The following LRRC47 variants were observed in gnomAD, a reference collection of about 807,000 sequenced individuals.
LRRC47 encodes the protein leucine rich repeat containing 47, also known as leucine-rich repeat-containing protein 47.
In LRRC47, 31 loss-of-function variants were observed where a neutral mutation model predicts 40.9. The ratio of observed to expected loss-of-function variants is 0.76; its 90% confidence interval spans 0.57 to 1.02. The LOEUF is 1.02. Among genes scored for constraint, LRRC47 ranks in the 50% least tolerant of loss-of-function variants. The pLI, the probability that LRRC47 is intolerant of heterozygous loss-of-function variation, is 0.00. For synonymous variants in LRRC47, 427 were observed against 371.9 expected, an observed-to-expected ratio of 1.15 and a Z score of -1.70; for missense variants, 726 against 796.1, an observed-to-expected ratio of 0.91 and a Z score of 1.06.
intron 2 of LRRC47, among the ~76,000 whole-genome samples, chr1:3,786,050 G>C (rs1020803074): frequency 6.6e-6 from 1 of 151,916 alleles, no homozygotes; most frequent in Admixed American, 6.6e-5. Context: ...TTGTGTTTTC[G>C]GTAGAGATGG....
rs1399105224 is a variant in LRRC47, at chr1:3,796,419, G to A, written c.58C>T (p.Arg20Trp). ...CCCGTCAGCAGCAGCTCCCGCCGCC[G>A]CTCGCGCTCAGCCAGCTCCAGCTCC... ...WPELELAERE[R>W]RRELLLTGPG... The change falls in exon 1 of 7, where the codon CGG (arginine) becomes TGG (tryptophan). Residue 20 changes from arginine (R) to tryptophan (W), a missense_variant. Physicochemically the swap from Arg to Trp is moderately radical, Grantham distance 101. Transcript: ENST00000378251. 2.0e-6 allele frequency: 3 copies of A among 1,517,702 alleles called. No homozygotes were observed. Among genetic ancestry groups the A allele is most frequent in the South Asian group, 1.2e-5 (1 of 82,858 alleles). The allele number at this position is 1,517,702 out of a possible 1,614,324, so 94.0% of individuals were successfully genotyped here.
rs1457743800 is a variant in LRRC47, at chr1:3,795,990, T to C, written c.487A>G (p.Asn163Asp). 2 of 1,571,804 alleles carry C rather than the reference T, an allele frequency of 1.3e-6. No homozygotes were observed. The highest frequency in any genetic ancestry group is 1.7e-6 in the Non-Finnish European group (2 of 1,160,370). The change falls in exon 1 of 7, where the codon AAT (asparagine) becomes GAT (aspartate). Residue 163 changes from asparagine to aspartate, a missense_variant. Physicochemically the swap from Asn to Asp is conservative, Grantham distance 23 (BLOSUM62 1). Transcript: ENST00000378251. Reference sequence around the variant, plus strand: ...TCGGCGGGAAAGGAGTCTAGGCAATTGCCGGTGAGGTTGAGGCTCTGCAGG... The same window carrying C: ...TCGGCGGGAAAGGAGTCTAGGCAATCGCCGGTGAGGTTGAGGCTCTGCAGG... ...PRLQSLNLTG[N>D]CLDSFPAELF...
chr1:3,787,251 G>A lies in LRRC47; in HGVS notation c.675C>T (p.Pro225=). The change falls in exon 2 of 7, where the codon CCC becomes CCT. Residue 225 remains proline, a synonymous_variant. Coordinates refer to ENST00000378251, the MANE Select transcript of LRRC47 (RefSeq NM_020710.3). The part of the protein sequence containing the change: ...SEIPAELADC[P]KLKEINFRGN... ...CACGGAAATTGATCTCCTTGAGCTT[G>A]GGGCAGTCCGCAAGCTCTGCAGGGA... The A allele has an allele frequency of 1.2e-6, 2 of 1,613,510 alleles. No homozygotes were observed. The highest frequency in any genetic ancestry group is 1.7e-6 in the Non-Finnish European group (2 of 1,180,046).
chr1:3,794,447 A>G (rs930421104), intron 1 of LRRC47, among the ~76,000 whole-genome samples: 1 of 151,818 alleles, frequency 6.6e-6, no homozygotes. Flanking sequence ...CCTGGGCTCA[A>G]GTGATCCTCC....
At chr1:3,782,081 G>C (rs78157881) in intron 5 of LRRC47, among the ~76,000 whole-genome samples, 2 of 152,166 alleles carry the variant, frequency 1.3e-5, no homozygotes, top group Non-Finnish European at 2.9e-5. Context: ...ACGCAGCACC[G>C]AGCATGAACA....
At chr1:3,781,623 A>C (rs757342967) in intron 5 of LRRC47, 22 bp from the exon 6 acceptor site, 3 of 1,575,152 alleles carry the variant, frequency 1.9e-6, no homozygotes, top group Non-Finnish European at 8.7e-7. Context: ...AAAACATTTC[A>C]GAAAAGAACA....
At chr1:3,794,726 A>G (rs910314984) in intron 1 of LRRC47, among the ~76,000 whole-genome samples, 12 of 151,884 alleles carry the variant, frequency 7.9e-5, no homozygotes, top group African/African-American at 2.2e-4. Context: ...AAATAAATAG[A>G]TAAGCTGCTA....
rs773031964 is a variant in LRRC47, at chr1:3,781,076, G to A, written c.*12C>T. The A allele has an allele frequency of 2.5e-6, 4 of 1,605,892 alleles. No homozygotes were observed. Among genetic ancestry groups the A allele is most frequent in the Non-Finnish European group, 3.4e-6 (4 of 1,173,996 alleles). On this transcript the variant is annotated 3_prime_UTR_variant, in exon 7 of 7. Coordinates refer to ENST00000378251, the MANE Select transcript of LRRC47 (RefSeq NM_020710.3). ...AAACCGGCCAAACAAACGCGGACAG[G>A]CGGCCCTGGCGTCAGCGCACGACAG...
Position 3,786,948 on chromosome 1 carries a change from GCTCA to G in LRRC47, c.974_977del (p.Val325AlafsTer133), listed in dbSNP as rs1481845521. The G allele has an allele frequency of 1.2e-6, 2 of 1,609,736 alleles. No homozygotes were observed. The highest frequency in any genetic ancestry group is 1.7e-6 in the Non-Finnish European group (2 of 1,178,338). ...AGGGCCGCACATCCCGGACCTCGGG[GCTCA>G]CTCTGACTGTCAGAGGTACGGGGTT... On this transcript the variant is annotated frameshift_variant, in exon 2 of 7. Transcript: ENST00000378251. LOFTEE classifies it high-confidence loss of function.
chr1:3,788,394 C>T (rs952771321), intron 1 of LRRC47, among the ~76,000 whole-genome samples: 1 of 152,222 alleles, frequency 6.6e-6, no homozygotes, highest in Admixed American at 6.5e-5. Flanking sequence ...GAGGAGGCAA[C>T]AGCATGTGGG....
chr1:3,781,425 G>A (rs1053492052), intron 6 of LRRC47, 87 bp downstream of exon 6: 2 of 1,574,396 alleles, frequency 1.3e-6, no homozygotes, highest in African/African-American at 2.7e-5. Flanking sequence ...AAGCAAAAAA[G>A]AGGCAAGCAG....
intron 5 of LRRC47, 86 bp from the exon 6 acceptor site, chr1:3,781,687 C>CA: frequency 8.8e-7 from 1 of 1,139,654 alleles, no homozygotes; most frequent in Non-Finnish European, 1.3e-6. Context: ...GAAAAATCTA[C>CA]AAAACTGTGT....
intron 1 of LRRC47, among the ~76,000 whole-genome samples, chr1:3,789,695 G>C (rs182353064): frequency 2.0e-5 from 3 of 152,384 alleles, no homozygotes; most frequent in Non-Finnish European, 2.9e-5. Flanking sequence ...GACAGGAAGG[G>C]AAGCGGGGGA....
Position 3,780,851 on chromosome 1 carries a change from C to T in LRRC47, c.*237G>A, listed in dbSNP as rs929837530. 1.4e-5 allele frequency: 8 copies of T among 559,180 alleles called. No homozygotes were observed. The highest frequency in any genetic ancestry group is 1.1e-4 in the African/African-American group (6 of 52,890). The allele number at this position is 559,180 out of a possible 1,614,324, so 34.6% of individuals were successfully genotyped here. On this transcript the variant is annotated 3_prime_UTR_variant, in exon 7 of 7. Transcript: ENST00000378251. ...ATTAGCTGAGCTTAGTGGCACACAC[C>T]TGTAGTCCCAGCTACTTGGGAGGCT...
At chr1:3,783,906 C>T (rs769542846) in intron 4 of LRRC47, 90 bp downstream of exon 4, 29 of 1,028,540 alleles carry the variant, frequency 2.8e-5, no homozygotes, top group African/African-American at 1.9e-4. Context: ...TAGCATTAGG[C>T]GGTTCCTGAG....
At chr1:3,795,456 T>C (rs978236187) in intron 1 of LRRC47, among the ~76,000 whole-genome samples, 2 of 152,226 alleles carry the variant, frequency 1.3e-5, no homozygotes, top group Admixed American at 6.5e-5. Context: ...CATGTGGCAT[T>C]ATGCAAAATC....
In LRRC47 at chr1:3,785,181, C is replaced by G. The variant is rs756981166; in HGVS notation, c.1100G>C (p.Cys367Ser). 6.3e-7 allele frequency: 1 copy of G among 1,583,834 alleles called. No individual in the cohort carries two copies. Among genetic ancestry groups the G allele is most frequent in the Non-Finnish European group, 8.6e-7 (1 of 1,166,716 alleles). ...TSQTKLHEDL[C>S]EKRTAATLAT... Reference sequence around the variant, plus strand: ...AAGGGTGGCAGCCGTCCTCTTCTCACAGAGATCTTCGTGGAGCTTGGTCTG... The same window carrying G: ...AAGGGTGGCAGCCGTCCTCTTCTCAGAGAGATCTTCGTGGAGCTTGGTCTG... The change falls in exon 3 of 7, where the codon TGT becomes TCT. Residue 367 changes from cysteine (C) to serine (S), a missense_variant. Cys to Ser is a moderately radical substitution (Grantham distance 112). Coordinates refer to ENST00000378251, the MANE Select transcript of LRRC47 (RefSeq NM_020710.3).
At chr1:3,790,892 G>GC (rs34679063) in intron 1 of LRRC47, among the ~76,000 whole-genome samples, 134,676 of 152,248 alleles carry the variant, frequency 0.88, 60,047 homozygotes, top group African/African-American at 0.97. Flanking sequence ...ACAGGCAGAA[G>GC]CTCTGTGCTG....
intron 1 of LRRC47, among the ~76,000 whole-genome samples, chr1:3,793,257 A>G (rs1385646184): frequency 2.6e-5 from 4 of 152,020 alleles, no homozygotes; most frequent in African/African-American, 9.7e-5. Flanking sequence ...GATTACAGGC[A>G]TGTGCCACCA....
Sources: gnomAD v4.1 joint callset for allele counts (sites outside exome capture counted in the v4.1 genomes callset) on GRCh38, gnomAD v4.1.1 for gene constraint, MANE v1.5 for transcripts, NCBI Gene and HGNC (gene_info 2026-07-23, HGNC 2026-07-21) for gene names.